IGDCC3: variants seen among roughly 807,000 people sequenced by gnomAD.
IGDCC3 encodes the protein immunoglobulin superfamily DCC subclass member 3.
IGDCC3 carries 47 observed loss-of-function variants against 72.0 expected under a neutral mutation model. The observed-to-expected ratio is 0.65, with a 90% CI of 0.52 to 0.83. IGDCC3 has a LOEUF of 0.83. IGDCC3 is among the 40% of genes least tolerant of loss of function. IGDCC3 has a pLI of 0.00. For synonymous variants in IGDCC3, 477 were observed against 472.8 expected (o/e 1.01, Z -0.11); for missense variants, 1,038 against 1,091.3 (o/e 0.95, Z 0.69).
chr15:65,335,777 T>C, intron 3 of IGDCC3, 35 bp downstream of exon 3: 1 of 1,612,100 alleles, frequency 6.2e-7, no homozygotes. Context: ...GGCCACCTCT[T>C]TGTCCTCCCT....
intron 2 of IGDCC3, among the ~76,000 whole-genome samples, chr15:65,359,592 C>T (rs1357036021): frequency 6.6e-6 from 1 of 152,180 alleles, no homozygotes; most frequent in Non-Finnish European, 1.5e-5. Context: ...GCACCTGTGA[C>T]TTAGCCTTTT....
At position 65,333,241 on chromosome 15, in the gene IGDCC3, G is replaced by T; in HGVS notation, c.982+16C>A. On this transcript the variant is annotated intron_variant, in intron 6 of 13. Transcript: ENST00000327987. ...GGAGATCCCTGCCCTCCTCCTCAGG[G>T]TTGGCTGATCCATACCTTGCACCAC... 1 of 1,589,194 alleles carries T rather than the reference G, an allele frequency of 6.3e-7. No homozygotes were observed. The highest frequency in any genetic ancestry group is 8.6e-7 in the Non-Finnish European group (1 of 1,167,604).
chr15:65,343,282 G>A (rs537802797), intron 2 of IGDCC3, among the ~76,000 whole-genome samples: 1 of 152,150 alleles, frequency 6.6e-6, no homozygotes, highest in Non-Finnish European at 1.5e-5. Context: ...AGAAATGGTC[G>A]TGTCTCTTCT....
intron 2 of IGDCC3, among the ~76,000 whole-genome samples, chr15:65,337,100 C>T (rs2091036785): frequency 6.6e-6 from 1 of 152,184 alleles, no homozygotes. Flanking sequence ...CCCGTGGCCC[C>T]CATCCCCCAT....
At chr15:65,350,803 G>C (rs1437765141) in intron 2 of IGDCC3, among the ~76,000 whole-genome samples, 1 of 152,086 alleles carries the variant, frequency 6.6e-6, no homozygotes, top group African/African-American at 2.4e-5. Flanking sequence ...GTGTGTCCTG[G>C]GCGAGGCTCT....
chr15:65,355,334 C>G (rs902845770), intron 2 of IGDCC3, among the ~76,000 whole-genome samples: 30 of 152,180 alleles, frequency 2.0e-4, no homozygotes, highest in African/African-American at 6.8e-4. Flanking sequence ...CCATCCCCCC[C>G]GCTCTTCTCC....
intron 2 of IGDCC3, among the ~76,000 whole-genome samples, chr15:65,368,352 T>C (rs2140170070): frequency 6.6e-6 from 1 of 152,112 alleles, no homozygotes. Context: ...CAAATGCCTC[T>C]CCTATTCACC....
In IGDCC3 at chr15:65,376,340, T is replaced by G. The variant is rs79225740; in HGVS notation, c.104-938A>C. 2.5e-3 allele frequency among the ~76,000 whole-genome samples: 374 copies of G among 152,292 alleles called. 3 individuals are homozygous for G. Among genetic ancestry groups the G allele is most frequent in the African/African-American group, 8.9e-3 (369 of 41,552 alleles). On this transcript the variant is annotated intron_variant, in intron 1 of 13. Transcript: ENST00000327987. ...GAAGCCCGGCTGGAGGGACAAGCACTCCAATCCCAGGCATGATGCCAAGTC... is the reference window on the plus strand; with the variant it reads ...GAAGCCCGGCTGGAGGGACAAGCACGCCAATCCCAGGCATGATGCCAAGTC...
At position 65,328,991 on chromosome 15, in the gene IGDCC3, C is replaced by T. The variant is rs769168711; in HGVS notation, c.2363G>A (p.Gly788Glu). ...GLAAAPPPPD[G>E]GPGLLSEGQA... is the part of the protein sequence containing the mutation. ...GCCTTCACTGAGGAGGCCAGGGCCT[C>T]CATCTGGGGGTGGTGGGGCAGCCGC... is the stretch of plus-strand genomic sequence containing the variant. The change falls in exon 14 of 14, where the codon GGA becomes GAA. Residue 788 changes from glycine (G) to glutamate (E), a missense_variant. By Grantham distance (98) the Gly-to-Glu change is moderately conservative (BLOSUM62 -2). Coordinates refer to ENST00000327987, the MANE Select transcript of IGDCC3 (RefSeq NM_004884.4). The T allele has an allele frequency of 4.3e-6, 7 of 1,609,936 alleles. No individual in the cohort carries two copies. Among genetic ancestry groups the T allele is most frequent in the African/African-American group, 1.3e-5 (1 of 74,780 alleles).
At chr15:65,346,608 C>T (rs2091126765) in intron 2 of IGDCC3, among the ~76,000 whole-genome samples, 1 of 152,170 alleles carries the variant, frequency 6.6e-6, no homozygotes, top group Non-Finnish European at 1.5e-5. Flanking sequence ...AGGTGCCCGC[C>T]ATCATGCCCG....
Position 65,331,596 on chromosome 15 carries a change from G to A in IGDCC3, c.1212C>T (p.Asn404=), listed in dbSNP as rs2090979148. 1.2e-6 allele frequency: 2 copies of A among 1,613,630 alleles called. No homozygotes were observed. Among genetic ancestry groups the A allele is most frequent in the Admixed American group, 1.7e-5 (1 of 59,942 alleles). ...CACTGGCCTGTGATGAGCCCGCACT[G>A]TTCTCGGCCACACACTGATAAATGG... ...DEAIYQCVAE[N]SAGSSQASAR... Residue 404 remains asparagine, a synonymous_variant, in exon 8 of 14, where the codon AAC becomes AAT. Transcript: ENST00000327987.
rs1378367493 is a variant in IGDCC3, at chr15:65,365,370, A to G, written c.409+9727T>C. ...ATAGTACCCCCACCCTCACATTCCA[A>G]TGGCCTTGGGGGCAGCAGCCAGACC... On this transcript the variant is annotated intron_variant, in intron 2 of 13. Coordinates refer to ENST00000327987, the MANE Select transcript of IGDCC3 (RefSeq NM_004884.4). 2.6e-5 allele frequency among the ~76,000 whole-genome samples: 4 copies of G among 151,916 alleles called. No homozygotes were observed. In the East Asian group the frequency reaches 5.8e-4, roughly 22 times the overall value.
chr15:65,337,573 G>A (rs995724561), intron 2 of IGDCC3, among the ~76,000 whole-genome samples: 1 of 152,176 alleles, frequency 6.6e-6, no homozygotes, highest in African/African-American at 2.4e-5. Context: ...GGATCCCCAG[G>A]GAGCACTGGG....
At chr15:65,345,625 AAAAG>A (rs1475398505) in intron 2 of IGDCC3, among the ~76,000 whole-genome samples, 1 of 152,130 alleles carries the variant, frequency 6.6e-6, no homozygotes, top group Non-Finnish European at 1.5e-5. Context: ...AATAAATAAG[AAAAG>A]AAAGAAAGCA....
At chr15:65,348,067 T>A (rs2091140909) in intron 2 of IGDCC3, among the ~76,000 whole-genome samples, 1 of 152,120 alleles carries the variant, frequency 6.6e-6, no homozygotes, top group African/African-American at 2.4e-5. Flanking sequence ...TCCTCACTGC[T>A]ACACTCCCAT....
intron 2 of IGDCC3, among the ~76,000 whole-genome samples, chr15:65,372,174 T>C (rs2091329826): frequency 6.6e-6 from 1 of 152,204 alleles, no homozygotes; most frequent in South Asian, 2.1e-4. Flanking sequence ...TACTCAGTGC[T>C]TCCTGCGTGC....
chr15:65,371,583 A>G (rs1427722498), intron 2 of IGDCC3, among the ~76,000 whole-genome samples: 1 of 152,108 alleles, frequency 6.6e-6, no homozygotes, highest in African/African-American at 2.4e-5. Flanking sequence ...TCAAAATCTC[A>G]ATGTTATCAA....
intron 2 of IGDCC3, among the ~76,000 whole-genome samples, chr15:65,367,517 TA>T (rs746672693): frequency 3.7e-4 from 56 of 151,498 alleles, no homozygotes; most frequent in African/African-American, 5.1e-4. Context: ...CCCTAAAACT[TA>T]AAAGTATAAT....
At chr15:65,336,314 C>T (rs1300836946) in intron 2 of IGDCC3, among the ~76,000 whole-genome samples, 1 of 152,296 alleles carries the variant, frequency 6.6e-6, no homozygotes, top group African/African-American at 2.4e-5. Context: ...GCCCTGCTCC[C>T]GAGCCCCACA....
Sources: gnomAD v4.1 joint callset for allele counts (sites outside exome capture counted in the v4.1 genomes callset) on GRCh38, gnomAD v4.1.1 for gene constraint, MANE v1.5 for transcripts, NCBI Gene and HGNC (gene_info 2026-07-23, HGNC 2026-07-21) for gene names.